PCDHGB4: variants seen among roughly 807,000 people sequenced by gnomAD.
PCDHGB4 encodes protocadherin gamma-B4.
A neutral mutation model predicts 60.5 loss-of-function variants in PCDHGB4; 38 were observed. The observed-to-expected ratio is 0.63, with a 90% CI of 0.48 to 0.82. The LOEUF (loss-of-function observed/expected upper bound fraction) is 0.82, where lower values mean the gene tolerates loss of function less well. Ranked by LOEUF, PCDHGB4 falls within the 40% of genes least tolerant of loss-of-function variation. The pLI is 0.00. For synonymous variants in PCDHGB4, 456 were observed against 509.7 expected (o/e 0.89, Z 1.42); for missense variants, 1,109 against 1,209.6 (o/e 0.92, Z 1.23).
At chr5:141,398,729 A>T in intron 1 of PCDHGB4, 1 of 1,613,820 alleles carries the variant, frequency 6.2e-7, no homozygotes, top group Non-Finnish European at 8.5e-7. Flanking sequence ...AAAACCTTAG[A>T]CCGGGAACAA....
At chr5:141,403,219 G>A in intron 1 of PCDHGB4, 1 of 1,613,980 alleles carries the variant, frequency 6.2e-7, no homozygotes, top group South Asian at 1.1e-5. Flanking sequence ...CCGCGGGTAG[G>A]ATAGACCGGG....
chr5:141,415,754 T>TTTTG, intron 1 of PCDHGB4: 1 of 1,385,736 alleles, frequency 7.2e-7, no homozygotes, highest in Non-Finnish European at 9.3e-7. Flanking sequence ...TTTTTTTTTT[T>TTTTG]TTTTTTTTTT....
chr5:141,492,230 C>T (rs1286145654), intron 1 of PCDHGB4, among the ~76,000 whole-genome samples: 1 of 152,196 alleles, frequency 6.6e-6, no homozygotes. Flanking sequence ...CGTGTCCTCC[C>T]TGCTGGCCAC....
At chr5:141,411,134 G>A (rs1050594380) in intron 1 of PCDHGB4, 1 of 152,434 alleles carries the variant, frequency 6.6e-6, no homozygotes, top group Non-Finnish European at 1.5e-5. Context: ...ACAGGCGTGA[G>A]CCACAATATT....
intron 1 of PCDHGB4, 84 bp from the exon 2 acceptor site, chr5:141,494,723 C>T: frequency 1.9e-6 from 3 of 1,606,114 alleles, no homozygotes; most frequent in Non-Finnish European, 2.6e-6. Flanking sequence ...TCCCCTCCTT[C>T]TCTCCCGGCC....
intron 1 of PCDHGB4, chr5:141,415,448 C>T (rs2095870056): frequency 6.2e-7 from 1 of 1,614,052 alleles, no homozygotes; most frequent in African/African-American, 1.3e-5. Flanking sequence ...CAGACCTATT[C>T]CCACGAGGTC....
At chr5:141,430,815 T>A in intron 1 of PCDHGB4, 1 of 1,535,252 alleles carries the variant, frequency 6.5e-7, no homozygotes, top group Non-Finnish European at 8.7e-7. Flanking sequence ...CTGGGAATCC[T>A]CCTGGGGACT....
chr5:141,468,486 TG>T (rs1562016448), intron 1 of PCDHGB4: 14 of 152,288 alleles, frequency 9.2e-5, no homozygotes. Context: ...GTAGGTCTCA[TG>T]GAAGATTTTC....
chr5:141,477,158 A>G lies in PCDHGB4; in HGVS notation c.2398-17649A>G, dbSNP rs1476516538. 1.2e-6 allele frequency: 2 copies of G among 1,614,154 alleles called. No individual in the cohort carries two copies. Among genetic ancestry groups the G allele is most frequent in the Non-Finnish European group, 1.7e-6 (2 of 1,180,018 alleles). ...GGTGGAGGTTGTGGATGTGAATGACAACGCCCCGGAGATCACAGTCACCTC... is the reference window on the plus strand; with the variant it reads ...GGTGGAGGTTGTGGATGTGAATGACGACGCCCCGGAGATCACAGTCACCTC... On this transcript the variant is annotated intron_variant, in intron 1 of 3. Coordinates refer to ENST00000519479, the MANE Select transcript of PCDHGB4 (RefSeq NM_003736.4). This position sits in a 1 kb window ranked among gnomAD's most constrained non-coding sequence, Gnocchi z 4.9.
chr5:141,437,762 A>G (rs1286042187), intron 1 of PCDHGB4, among the ~76,000 whole-genome samples: 1 of 149,476 alleles, frequency 6.7e-6, no homozygotes, highest in African/African-American at 2.5e-5. Context: ...TTTTTGAGAC[A>G]GAGTCTCAAT....
intron 1 of PCDHGB4, among the ~76,000 whole-genome samples, chr5:141,459,691 C>T (rs754899227): frequency 3.9e-5 from 6 of 152,158 alleles, no homozygotes; most frequent in East Asian, 1.9e-4. Flanking sequence ...TAAAGCGTTC[C>T]GCTTGCTACA....
At chr5:141,453,430 C>A (rs1043851647) in intron 1 of PCDHGB4, among the ~76,000 whole-genome samples, 1 of 152,018 alleles carries the variant, frequency 6.6e-6, no homozygotes, top group Non-Finnish European at 1.5e-5. Flanking sequence ...CCACACCTAG[C>A]CTAGTATTCT....
rs773944794 is a variant in PCDHGB4 at position 141,477,003 on chromosome 5, C to T, written c.2398-17804C>T. 1.2e-6 allele frequency: 2 copies of T among 1,614,214 alleles called. No homozygotes were observed. The highest frequency in any genetic ancestry group is 8.5e-7 in the Non-Finnish European group (1 of 1,180,040). On this transcript the variant is annotated intron_variant, in intron 1 of 3. Transcript: ENST00000519479. This position sits in a 1 kb window ranked among gnomAD's most constrained non-coding sequence, Gnocchi z 4.9. ...CGCGCCGGCGTGCGGCAACTATTCG[C>T]CTTAGACCTTGTAACCGGGATGCTG...
intron 1 of PCDHGB4, among the ~76,000 whole-genome samples, chr5:141,456,818 G>A (rs1214373156): frequency 1.3e-5 from 2 of 151,890 alleles, no homozygotes; most frequent in Admixed American, 6.6e-5. Context: ...CAAAAAATTA[G>A]CCATCGTGGT....
At chr5:141,484,801 A>G (rs1285617622) in intron 1 of PCDHGB4, among the ~76,000 whole-genome samples, 3 of 152,024 alleles carry the variant, frequency 2.0e-5, no homozygotes, top group African/African-American at 7.2e-5. Flanking sequence ...CAACCCGTGG[A>G]AAAACATGCC....
rs1259021130 is a variant in PCDHGB4 at position 141,485,083 on chromosome 5, G to C, written c.2398-9724G>C. ...GCGCCAGAGCTGGCGCGGGGAAAGG[G>C]AGATAGGTGTCTCCAGCTGCTGTGG... On this transcript the variant is annotated intron_variant, in intron 1 of 3. Coordinates refer to ENST00000519479, the MANE Select transcript of PCDHGB4 (RefSeq NM_003736.4). The surrounding 1 kb of genome is among the most constrained non-coding windows in gnomAD (Gnocchi z 5.7). The C allele has an allele frequency of 1.0e-6, 1 of 989,386 alleles. No homozygotes were observed. The highest frequency in any genetic ancestry group is 1.6e-5 in the African/African-American group (1 of 61,992). 61.3% of individuals were successfully genotyped at this position (989,386 alleles called of 1,614,324 possible).
rs1353509218 is a variant in PCDHGB4, at chr5:141,512,908, TTTATACTC to T, written c.*1737_*1744del. ...CCCTCTTCCTGTGTCTCACGCAAGTTTTATACTCTAATATTTATATGGCTTTTTTTCTT... is the reference window on the plus strand; with the variant it reads ...CCCTCTTCCTGTGTCTCACGCAAGTTTAATATTTATATGGCTTTTTTTCTT... On this transcript the variant is annotated 3_prime_UTR_variant, in exon 4 of 4. Transcript: ENST00000519479. 6.6e-6 allele frequency: 1 copy of T among 152,268 alleles called. No individual in the cohort carries two copies. Among genetic ancestry groups the T allele is most frequent in the Non-Finnish European group, 1.5e-5 (1 of 68,054 alleles). 9.4% of individuals were successfully genotyped at this position (152,268 alleles called of 1,614,324 possible).
intron 1 of PCDHGB4, among the ~76,000 whole-genome samples, chr5:141,424,888 G>C (rs2096846233): frequency 6.6e-6 from 1 of 152,178 alleles, no homozygotes; most frequent in Non-Finnish European, 1.5e-5. Context: ...GACTTATCTA[G>C]GGTTTTTGAT....
intron 1 of PCDHGB4, among the ~76,000 whole-genome samples, chr5:141,448,344 A>G (rs2098583423): frequency 6.6e-6 from 1 of 152,080 alleles, no homozygotes; most frequent in Admixed American, 6.6e-5. Flanking sequence ...CATGTACCTC[A>G]ATCTTAGTAG....
Sources: gnomAD v4.1 joint callset for allele counts (sites outside exome capture counted in the v4.1 genomes callset) on GRCh38, gnomAD v4.1.1 for gene constraint, Gnocchi (gnomAD v3.1) non-coding constraint, MANE v1.5 for transcripts, NCBI Gene and HGNC (gene_info 2026-07-23, HGNC 2026-07-21) for gene names.